ADAM23: variants seen among roughly 807,000 people sequenced by gnomAD.
The protein encoded by ADAM23 is disintegrin and metalloproteinase domain-containing protein 23.
ADAM23 carries 33 observed loss-of-function variants against 120.1 expected under a neutral mutation model. That is an observed-to-expected ratio of 0.27 (90% CI 0.21 to 0.37). ADAM23 has a LOEUF of 0.37. Ranked by LOEUF, ADAM23 falls within the 10% of genes least tolerant of loss-of-function variation. The pLI, the probability that ADAM23 is intolerant of heterozygous loss-of-function variation, is 1.00. For synonymous variants in ADAM23, 367 were observed against 375.2 expected, an observed-to-expected ratio of 0.98 and a Z score of 0.25; for missense variants, 862 against 1,058.2, an observed-to-expected ratio of 0.81 and a Z score of 2.57.
chr2:206,545,823 CTGACTT>C (rs1267517151), intron 6 of ADAM23, among the ~76,000 whole-genome samples: 1 of 152,200 alleles, frequency 6.6e-6, no homozygotes, highest in Non-Finnish European at 1.5e-5. Context: ...AGCAAAAACT[CTGACTT>C]TGATTTCTGG....
chr2:206,588,635 A>G (rs550966981), intron 20 of ADAM23, among the ~76,000 whole-genome samples: 1 of 152,358 alleles, frequency 6.6e-6, no homozygotes, highest in Non-Finnish European at 1.5e-5. Context: ...AGATAGGTAC[A>G]TGGCTGTGAT....
chr2:206,575,599 A>C (rs1698096086), intron 18 of ADAM23, among the ~76,000 whole-genome samples: 1 of 152,150 alleles, frequency 6.6e-6, no homozygotes, highest in Non-Finnish European at 1.5e-5. Context: ...AATAGAGTAC[A>C]CTTGGCAGTC....
At chr2:206,511,272 G>A (rs943210714) in intron 3 of ADAM23, among the ~76,000 whole-genome samples, 5 of 152,158 alleles carry the variant, frequency 3.3e-5, no homozygotes, top group Non-Finnish European at 5.9e-5. Flanking sequence ...TTTGAGATCA[G>A]AGTATTTGAA....
At chr2:206,510,148 A>G (rs1326370194) in intron 3 of ADAM23, among the ~76,000 whole-genome samples, 2 of 152,238 alleles carry the variant, frequency 1.3e-5, no homozygotes, top group African/African-American at 4.8e-5. Context: ...ATGAAATCAC[A>G]TTAGGAGGAA....
intron 21 of ADAM23, among the ~76,000 whole-genome samples, chr2:206,590,233 G>A (rs998020525): frequency 6.6e-6 from 1 of 152,022 alleles, no homozygotes; most frequent in African/African-American, 2.4e-5. Context: ...GAGTAGCTGG[G>A]ATTACAGGCA....
intron 3 of ADAM23, 72 bp downstream of exon 3, chr2:206,481,380 C>A (rs1450063344): frequency 7.2e-6 from 8 of 1,117,762 alleles, no homozygotes; most frequent in South Asian, 1.7e-5. Flanking sequence ...TCGGTTTAGT[C>A]AAAATAATGT....
intron 2 of ADAM23, among the ~76,000 whole-genome samples, chr2:206,459,356 T>C (rs1695366030): frequency 6.6e-6 from 1 of 152,208 alleles, no homozygotes; most frequent in African/African-American, 2.4e-5. Context: ...ATATCCTTAT[T>C]TATTCTTTTA....
chr2:206,456,174 T>A (rs1695295477), intron 2 of ADAM23, among the ~76,000 whole-genome samples: 1 of 149,600 alleles, frequency 6.7e-6, no homozygotes, highest in Admixed American at 6.6e-5. Flanking sequence ...GACTGGGAGG[T>A]CTTAGGAAAC....
intron 3 of ADAM23, among the ~76,000 whole-genome samples, chr2:206,492,201 A>G (rs1696148297): frequency 6.6e-6 from 1 of 152,230 alleles, no homozygotes; most frequent in African/African-American, 2.4e-5. Context: ...GATTAGAGGT[A>G]GAAATGGATA....
At chr2:206,610,911 G>A (rs1209324040) in intron 25 of ADAM23, among the ~76,000 whole-genome samples, 1 of 152,138 alleles carries the variant, frequency 6.6e-6, no homozygotes, top group Non-Finnish European at 1.5e-5. Context: ...ACAAATTTAA[G>A]TGGGAAATAA....
intron 18 of ADAM23, among the ~76,000 whole-genome samples, chr2:206,579,026 AT>A: frequency 6.6e-6 from 1 of 152,086 alleles, no homozygotes; most frequent in South Asian, 2.1e-4. Flanking sequence ...TTTGTTGGCC[AT>A]TTGTATATCT....
Position 206,546,070 on chromosome 2 carries a change from A to C in ADAM23, c.721-1359A>C, listed in dbSNP as rs138477778. 3.9e-5 allele frequency among the ~76,000 whole-genome samples: 6 copies of C among 152,326 alleles called. No homozygotes were observed. In the East Asian group the frequency reaches 1.2e-3, roughly 29 times the overall value. On this transcript the variant is annotated intron_variant, in intron 6 of 25. Transcript: ENST00000264377. ...ATATAAACTATTGTTATAATGTTTA[A>C]AGCATTGGTTTTGCATTGTTTACTT...
intron 9 of ADAM23, among the ~76,000 whole-genome samples, chr2:206,550,938 C>T (rs10427171): frequency 1.3e-5 from 2 of 152,164 alleles, no homozygotes; most frequent in Non-Finnish European, 2.9e-5. Context: ...TGAATAATCT[C>T]GTGTTAACTT....
intron 24 of ADAM23, among the ~76,000 whole-genome samples, chr2:206,609,244 A>G (rs536153988): frequency 2.6e-5 from 4 of 152,290 alleles, no homozygotes; most frequent in Admixed American, 2.6e-4. Flanking sequence ...AATCTAAGGA[A>G]TCTTTTTACC....
intron 2 of ADAM23, among the ~76,000 whole-genome samples, chr2:206,479,742 G>A (rs1376213235): frequency 1.3e-5 from 2 of 151,984 alleles, no homozygotes; most frequent in African/African-American, 4.8e-5. Context: ...CCACAAGTAT[G>A]GTGACCCTGT....
chr2:206,489,898 G>A (rs565840351), intron 3 of ADAM23, among the ~76,000 whole-genome samples: 12 of 152,266 alleles, frequency 7.9e-5, no homozygotes, highest in South Asian at 6.2e-4. Context: ...AGGAAAACAC[G>A]GAAGGTCCCA....
intron 21 of ADAM23, among the ~76,000 whole-genome samples, chr2:206,590,036 A>G (rs1413297481): frequency 2.0e-5 from 3 of 152,144 alleles, no homozygotes; most frequent in East Asian, 1.9e-4. Context: ...TAGTTAGTAC[A>G]TATTAAAGCC....
At chr2:206,533,379 A>G (rs1401403161) in intron 4 of ADAM23, among the ~76,000 whole-genome samples, 1 of 151,938 alleles carries the variant, frequency 6.6e-6, no homozygotes, top group Non-Finnish European at 1.5e-5. Flanking sequence ...TTTTTTTTGT[A>G]TTTTTAGTAG....
chr2:206,512,434 A>T (rs532040650), intron 3 of ADAM23, among the ~76,000 whole-genome samples: 1 of 152,320 alleles, frequency 6.6e-6, no homozygotes, highest in East Asian at 1.9e-4. Flanking sequence ...CTGGTTTTAG[A>T]TACTATAATC....
Sources: gnomAD v4.1 joint callset for allele counts (sites outside exome capture counted in the v4.1 genomes callset) on GRCh38, gnomAD v4.1.1 for gene constraint, MANE v1.5 for transcripts, NCBI Gene and HGNC (gene_info 2026-07-23, HGNC 2026-07-21) for gene names.